The following DNAH17 variants were observed in gnomAD, a reference collection of about 807,000 sequenced individuals.
The protein encoded by DNAH17 is dynein axonemal heavy chain 17, also known as axonemal beta dynein heavy chain 17.
In DNAH17, 376 loss-of-function variants were observed where a neutral mutation model predicts 485.6. The observed-to-expected ratio is 0.77, with a 90% confidence interval of 0.71 to 0.84. The LOEUF (loss-of-function observed/expected upper bound fraction) is 0.84, where lower values mean the gene tolerates loss of function less well. DNAH17 is among the 40% of genes least tolerant of loss of function. The pLI, the probability that DNAH17 is intolerant of heterozygous loss-of-function variation, is 0.00. For missense variants in DNAH17, 6,370 were observed against 5,839.3 expected (o/e 1.09, Z -2.96); for synonymous variants, 3,031 against 2,405.9 (o/e 1.26, Z -7.60).
chr17:78,484,739 A>ACCCCCCCGCCCCCCCCCCCCCCCC lies in DNAH17; in HGVS notation c.7649+128_7649+129insGGGGGGGGGGGGGGGGCGGGGGGG. 8.6e-6 allele frequency: 3 copies of ACCCCCCCGCCCCCCCCCCCCCCCC among 347,796 alleles called. No homozygotes were observed. The South Asian group carries it at 1.3e-4, about 15-fold the overall frequency. 21.5% of individuals were successfully genotyped at this position (347,796 alleles called of 1,614,324 possible). A position where few individuals can be genotyped will look rare whatever the true frequency, so the allele number is the denominator to read the frequency against. On this transcript the variant is annotated intron_variant, in intron 48 of 80. Transcript: ENST00000389840. ...CGTGTCTCCCTACCCACGTTGCAGCACCCCCCCCACCGCCCCACACCAGTC... is the reference window on the plus strand; with the variant it reads ...CGTGTCTCCCTACCCACGTTGCAGCACCCCCCCGCCCCCCCCCCCCCCCCCCCCCCCCACCGCCCCACACCAGTC...
intron 64 of DNAH17, 83 bp downstream of exon 64, chr17:78,454,387 C>T: frequency 9.5e-7 from 1 of 1,052,330 alleles, no homozygotes; most frequent in Non-Finnish European, 1.4e-6. Context: ...AAGACCCACC[C>T]ATCCATTGAA....
chr17:78,482,009 C>A (rs1327623961), intron 48 of DNAH17, among the ~76,000 whole-genome samples: 1 of 150,902 alleles, frequency 6.6e-6, no homozygotes, highest in African/African-American at 2.4e-5. Context: ...AGCAAGATTT[C>A]ATTTCAAAAA....
intron 18 of DNAH17, among the ~76,000 whole-genome samples, chr17:78,539,245 T>C (rs1568218228): frequency 6.6e-6 from 1 of 151,786 alleles, no homozygotes; most frequent in East Asian, 1.9e-4. Flanking sequence ...AATAAAAAAA[T>C]AAAATAAAAA....
chr17:78,444,727 T>C lies in DNAH17; in HGVS notation c.11405A>G (p.Lys3802Arg). ...CTCGGGGGCTTCCGACTCCACCAGC[T>C]TTTTCCAGCGCTTGGCAGATCCTTC... Reference protein sequence around the residue: ...DIEGSAKRWKKLVESEAPEKE... With the variant: ...DIEGSAKRWKRLVESEAPEKE... The change falls in exon 71 of 81, where the codon AAG becomes AGG. Residue 3802 changes from lysine to arginine, a missense_variant. Physicochemically the swap from Lys to Arg is conservative, Grantham distance 26. Coordinates refer to ENST00000389840, the MANE Select transcript of DNAH17 (RefSeq NM_173628.4). The C allele has an allele frequency of 1.2e-6, 2 of 1,605,050 alleles. No homozygotes were observed. The highest frequency in any genetic ancestry group is 1.4e-5 in the African/African-American group (1 of 73,986).
chr17:78,491,550 G>T lies in DNAH17; in HGVS notation c.6562C>A (p.Arg2188=), dbSNP rs766842661. 3.7e-6 allele frequency: 6 copies of T among 1,613,928 alleles called. No homozygotes were observed. Among genetic ancestry groups the T allele is most frequent in the Non-Finnish European group, 4.2e-6 (5 of 1,179,928 alleles). ...TCATGGGTGATGTTGGCCAGGTCTC[G>T]CATGATGGTGGAGAACAGGCCTGGG... The part of the protein sequence containing the change: ...WKDGLFSTIM[R]DLANITHDGP... The change falls in exon 43 of 81, where the codon CGA becomes AGA. Residue 2188 remains arginine, a synonymous_variant. Transcript: ENST00000389840.
At chr17:78,462,578 G>T (rs988062996) in intron 57 of DNAH17, among the ~76,000 whole-genome samples, 1 of 152,194 alleles carries the variant, frequency 6.6e-6, no homozygotes, top group Admixed American at 6.5e-5. Flanking sequence ...AATCTCACCC[G>T]ACATGGGGCA....
chr17:78,544,800 CAAAAAAAAAA>C (rs55669221), intron 16 of DNAH17, among the ~76,000 whole-genome samples: 8 of 46,878 alleles, frequency 1.7e-4, no homozygotes, highest in East Asian at 6.1e-4. Context: ...GACTCAGTCT[CAAAAAAAAAA>C]AAAAAAAAAA....
At chr17:78,501,026 G>A (rs557123292) in intron 35 of DNAH17, 158 bp downstream of exon 35, 55 of 817,374 alleles carry the variant, frequency 6.7e-5, no homozygotes, top group Middle Eastern at 6.7e-4. Flanking sequence ...GCTAGAACAA[G>A]GACACAGTGG....
chr17:78,427,123 C>A lies in DNAH17; in HGVS notation c.12589-15G>T. The A allele has an allele frequency of 6.4e-7, 1 of 1,560,462 alleles. No individual in the cohort carries two copies. Among genetic ancestry groups the A allele is most frequent in the East Asian group, 2.4e-5 (1 of 41,572 alleles). On this transcript the variant is annotated splice_polypyrimidine_tract_variant and intron_variant, in intron 77 of 80. Coordinates refer to ENST00000389840, the MANE Select transcript of DNAH17 (RefSeq NM_173628.4). The stretch of plus-strand genomic sequence containing the variant: ...ACGGCCTTCACCTGGAAGCCAGTCC[C>A]CGGACAGCCCCTGTCACTGCAAAGA...
chr17:78,481,137 C>G (rs1206232637), intron 48 of DNAH17, among the ~76,000 whole-genome samples: 2 of 139,262 alleles, frequency 1.4e-5, no homozygotes, highest in East Asian at 4.4e-4. Context: ...GAGTCTCACT[C>G]AGTCACTCAG....
At chr17:78,481,372 G>A (rs563380402) in intron 48 of DNAH17, among the ~76,000 whole-genome samples, 1 of 152,230 alleles carries the variant, frequency 6.6e-6, no homozygotes, top group East Asian at 1.9e-4. Context: ...CAAATGCTGG[G>A]ATTACTCCAT....
intron 19 of DNAH17, 116 bp from the exon 20 acceptor site, chr17:78,532,852 C>T (rs2091278420): frequency 1.7e-6 from 2 of 1,209,860 alleles, no homozygotes; most frequent in Non-Finnish European, 2.2e-6. Flanking sequence ...CTTCCAATCT[C>T]TCATGATGAC....
rs1298403913 is a variant in DNAH17 at position 78,423,709 on chromosome 17, C to G, written c.*197G>C. On this transcript the variant is annotated 3_prime_UTR_variant, in exon 81 of 81. Transcript: ENST00000389840. ...GGATGGGCACAGCTGAGTGGCTCCACTGGCTTTAATCTGCCCCACCTCTTC... is the reference window on the plus strand; with the variant it reads ...GGATGGGCACAGCTGAGTGGCTCCAGTGGCTTTAATCTGCCCCACCTCTTC... 6.1e-6 allele frequency: 4 copies of G among 652,276 alleles called. No homozygotes were observed. The highest frequency in any genetic ancestry group is 1.0e-5 in the Non-Finnish European group (4 of 388,256). The allele number at this position is 652,276 out of a possible 1,614,324, so 40.4% of individuals were successfully genotyped here. A position where few individuals can be genotyped will look rare whatever the true frequency, so the allele number is the denominator to read the frequency against.
intron 61 of DNAH17, 63 bp downstream of exon 61, chr17:78,458,938 T>G (rs1043944674): frequency 6.5e-7 from 1 of 1,549,768 alleles, no homozygotes; most frequent in African/African-American, 1.4e-5. Flanking sequence ...ACAGAGGTAT[T>G]GACTGGCAGC....
chr17:78,577,239 C>T (rs1357207918), intron 1 of DNAH17, 56 bp downstream of exon 1: 2 of 152,544 alleles, frequency 1.3e-5, no homozygotes, highest in African/African-American at 4.8e-5. Flanking sequence ...CTGAAGGCCT[C>T]CCTGCTCCCT....
chr17:78,527,790 C>T (rs1358585341), intron 22 of DNAH17, among the ~76,000 whole-genome samples: 2 of 152,072 alleles, frequency 1.3e-5, no homozygotes, highest in African/African-American at 4.8e-5. Flanking sequence ...ATTATTTATT[C>T]ATTTTTGAGA....
intron 14 of DNAH17, among the ~76,000 whole-genome samples, chr17:78,557,558 G>C (rs1344592660): frequency 2.8e-5 from 4 of 140,910 alleles, no homozygotes; most frequent in African/African-American, 1.1e-4. Flanking sequence ...AGAATCGCTT[G>C]AACTTGGGAG....
In DNAH17 at chr17:78,449,501, G is replaced by A. The variant is rs763823748; in HGVS notation, c.11124C>T (p.Asp3708=). 1.3e-5 allele frequency: 21 copies of A among 1,584,286 alleles called. No individual in the cohort carries two copies. The highest frequency in any genetic ancestry group is 3.6e-5 in the Admixed American group (2 of 55,166). ...ACATGTAGACGGAGTAGGTGATCTC[G>A]TCCGTCAGGTTGATCACCCGCTGCT... ...EVKQRVINLT[D]EITYSVYMYT... is the part of the protein sequence containing the mutation. Residue 3708 remains aspartate (D), a synonymous_variant, in exon 69 of 81, where the codon GAC becomes GAT. Transcript: ENST00000389840.
At chr17:78,452,186 T>G (rs1183044738) in intron 65 of DNAH17, among the ~76,000 whole-genome samples, 1 of 149,548 alleles carries the variant, frequency 6.7e-6, no homozygotes, top group Non-Finnish European at 1.5e-5. Flanking sequence ...CTAGGACCTC[T>G]GCATATTGAT....
Sources: allele counts gnomAD v4.1 joint callset (sites outside exome capture counted in the v4.1 genomes callset), GRCh38; gene constraint gnomAD v4.1.1; transcripts MANE v1.5; gene names NCBI Gene and HGNC (gene_info 2026-07-23, HGNC 2026-07-21).